PAX5: variants seen among roughly 807,000 people sequenced by gnomAD.
The protein encoded by PAX5 is paired box 5.
Under a neutral mutation model 43.7 loss-of-function variants are expected in PAX5, and 9 were observed. The observed-to-expected ratio is 0.21, with a 90% CI of 0.12 to 0.36. The LOEUF is 0.36. PAX5 is among the 10% of genes least tolerant of loss of function. PAX5 has a pLI of 1.00. For missense variants in PAX5, 383 were observed against 532.7 expected (o/e 0.72, Z 2.77); for synonymous variants, 228 against 214.3 (o/e 1.06, Z -0.56).
At chr9:36,917,406 A>T (rs1829809116) in intron 7 of PAX5, among the ~76,000 whole-genome samples, 2 of 152,238 alleles carry the variant, frequency 1.3e-5, no homozygotes, top group African/African-American at 4.8e-5. Flanking sequence ...CTGAACCCCA[A>T]CCACCACGAC....
intron 1 of PAX5, chr9:37,026,492 C>T (rs1037422321): frequency 7.6e-7 from 1 of 1,316,070 alleles, no homozygotes; most frequent in Non-Finnish European, 1.0e-6. Flanking sequence ...CAACCCGGTC[C>T]CGGCGGGAGA....
intron 5 of PAX5, among the ~76,000 whole-genome samples, chr9:36,989,617 AG>A (rs1836757760): frequency 6.6e-6 from 1 of 152,250 alleles, no homozygotes; most frequent in Non-Finnish European, 1.5e-5. Context: ...AGAGGACCAC[AG>A]GCACCAGTAT....
intron 9 of PAX5, among the ~76,000 whole-genome samples, chr9:36,844,349 T>C (rs1822359043): frequency 6.6e-6 from 1 of 152,212 alleles, no homozygotes; most frequent in African/African-American, 2.4e-5. Flanking sequence ...ATCCTCCTTC[T>C]GCCACCTGAA....
At chr9:36,968,346 G>A (rs1338830715) in intron 5 of PAX5, among the ~76,000 whole-genome samples, 1 of 152,244 alleles carries the variant, frequency 6.6e-6, no homozygotes, top group African/African-American at 2.4e-5. Flanking sequence ...GTGTCACCAA[G>A]ACTCAGTCAG....
intron 7 of PAX5, among the ~76,000 whole-genome samples, chr9:36,901,779 G>C (rs573263505): frequency 6.6e-6 from 1 of 152,168 alleles, no homozygotes; most frequent in African/African-American, 2.4e-5. Context: ...ACATCGCCTT[G>C]CTGAGCCTCA....
chr9:37,026,562 C>T, intron 1 of PAX5: 2 of 1,339,734 alleles, frequency 1.5e-6, no homozygotes, highest in Non-Finnish European at 2.0e-6. Flanking sequence ...GTCGTGCTTA[C>T]AGTGTATTTC....
intron 5 of PAX5, among the ~76,000 whole-genome samples, chr9:36,974,674 G>A (rs137911591): frequency 2.0e-5 from 3 of 152,094 alleles, no homozygotes; most frequent in Non-Finnish European, 4.4e-5. Context: ...AGGACAATTC[G>A]TGGGGCTTTT....
chr9:36,976,057 A>G (rs114448045), intron 5 of PAX5, among the ~76,000 whole-genome samples: 2,344 of 152,294 alleles, frequency 0.015, 56 homozygotes, highest in African/African-American at 0.054. Context: ...GGCTTCTATT[A>G]TATCAGTGAT....
intron 5 of PAX5, among the ~76,000 whole-genome samples, chr9:36,981,555 C>T (rs1489994918): frequency 6.6e-6 from 1 of 152,088 alleles, no homozygotes; most frequent in Non-Finnish European, 1.5e-5. Flanking sequence ...CCCTTCCATG[C>T]CTTGCCTAAG....
chr9:36,940,377 A>G (rs1358616687), intron 6 of PAX5, among the ~76,000 whole-genome samples: 1 of 152,248 alleles, frequency 6.6e-6, no homozygotes, highest in Non-Finnish European at 1.5e-5. Context: ...CCTTGGGACC[A>G]TAAATAATAA....
chr9:36,891,240 T>C (rs1827352475), intron 7 of PAX5, among the ~76,000 whole-genome samples: 1 of 152,222 alleles, frequency 6.6e-6, no homozygotes, highest in African/African-American at 2.4e-5. Flanking sequence ...ACACCTGTTG[T>C]AGGAAAAGGT....
intron 7 of PAX5, among the ~76,000 whole-genome samples, chr9:36,888,475 C>T (rs1827091520): frequency 6.6e-6 from 1 of 152,150 alleles, no homozygotes; most frequent in African/African-American, 2.4e-5. Flanking sequence ...TAGCAACATT[C>T]ATAATGAACT....
intron 9 of PAX5, among the ~76,000 whole-genome samples, chr9:36,845,700 T>C (rs552875708): frequency 6.6e-6 from 1 of 152,222 alleles, no homozygotes; most frequent in Non-Finnish European, 1.5e-5. Context: ...GTTTCCATAC[T>C]GTGTGTCTGT....
chr9:37,024,423 C>T (rs997528518), intron 1 of PAX5, among the ~76,000 whole-genome samples: 1 of 152,130 alleles, frequency 6.6e-6, no homozygotes, highest in Non-Finnish European at 1.5e-5. Context: ...ACTGACTGGG[C>T]CAGGAGGAAG....
chr9:36,997,753 A>G (rs1412996866), intron 5 of PAX5, among the ~76,000 whole-genome samples: 1 of 152,224 alleles, frequency 6.6e-6, no homozygotes, highest in African/African-American at 2.4e-5. Context: ...GCCATCCCGC[A>G]GGCCTCCCAG....
At chr9:37,002,554 T>A (rs936854984) in intron 5 of PAX5, 94 bp downstream of exon 5, 1 of 1,327,862 alleles carries the variant, frequency 7.5e-7, no homozygotes, top group Non-Finnish European at 1.0e-6. Flanking sequence ...GTAAGGGGGG[T>A]GTTCGCGGGC....
intron 3 of PAX5, among the ~76,000 whole-genome samples, chr9:37,013,951 G>A (rs1296260284): frequency 1.3e-5 from 2 of 152,152 alleles, no homozygotes; most frequent in African/African-American, 2.4e-5. Context: ...TAGTCTGACC[G>A]ACCACCTCAT....
intron 7 of PAX5, among the ~76,000 whole-genome samples, chr9:36,911,980 A>T (rs1829331311): frequency 6.6e-6 from 1 of 152,182 alleles, no homozygotes; most frequent in Admixed American, 6.5e-5. Context: ...ATCCCCAAAC[A>T]CACAGTGGAT....
At position 36,923,185 on chromosome 9, in the gene PAX5, C is replaced by T. The variant is rs1830316305; in HGVS notation, c.910+170G>A. 8.5e-6 allele frequency: 6 copies of T among 703,230 alleles called. No individual in the cohort carries two copies. The South Asian group carries it at 1.1e-4, about 13-fold the overall frequency. The allele number at this position is 703,230 out of a possible 1,614,324, so 43.6% of individuals were successfully genotyped here. The stretch of plus-strand genomic sequence containing the variant: ...GGAATCATATCCAGCCATGTCTCAT[C>T]ACAGCTGCAACCCTGGCCCCAGCAC... On this transcript the variant is annotated intron_variant, in intron 7 of 9. Transcript: ENST00000358127.
Sources: gnomAD v4.1 joint callset for allele counts (sites outside exome capture counted in the v4.1 genomes callset) on GRCh38, gnomAD v4.1.1 for gene constraint, MANE v1.5 for transcripts, NCBI Gene and HGNC (gene_info 2026-07-23, HGNC 2026-07-21) for gene names.